PLPP1: variants seen among roughly 807,000 people sequenced by gnomAD.
PLPP1 encodes the protein lipid phosphate phosphohydrolase 1a.
A neutral mutation model predicts 31.2 loss-of-function variants in PLPP1; 24 were observed. That is an observed-to-expected ratio of 0.77 (90% CI 0.56 to 1.08). PLPP1 has a LOEUF of 1.08. Ranked by LOEUF, PLPP1 falls within the 50% of genes least tolerant of loss-of-function variation. The pLI is 0.00. For synonymous variants in PLPP1, 146 were observed against 126.3 expected (o/e 1.16, Z -1.05); for missense variants, 319 against 342.7 (o/e 0.93, Z 0.55).
intron 3 of PLPP1, among the ~76,000 whole-genome samples, chr5:55,449,673 A>T (rs574006642): frequency 8.5e-5 from 13 of 152,320 alleles, no homozygotes; most frequent in Middle Eastern, 3.4e-3. Flanking sequence ...ATATACATAT[A>T]ATTTAAAAGG....
intron 3 of PLPP1, among the ~76,000 whole-genome samples, chr5:55,465,885 G>C (rs1293633235): frequency 1.3e-5 from 2 of 151,742 alleles, no homozygotes; most frequent in Non-Finnish European, 2.9e-5. Context: ...AAGGCTCTCT[G>C]TACCTCCTAG....
At chr5:55,503,847 A>G (rs1753199892) in intron 1 of PLPP1, among the ~76,000 whole-genome samples, 1 of 66,864 alleles carries the variant, frequency 1.5e-5, no homozygotes, top group African/African-American at 6.3e-5. Context: ...AGGGGAGGGG[A>G]GAGAGGAGGG....
Position 55,468,128 on chromosome 5 carries a change from A to G in PLPP1, c.232T>C (p.Ser78Pro), listed in dbSNP as rs1338841423. Residue 78 changes from serine (S) to proline (P), a missense_variant, in exon 3 of 6, where the codon TCT (serine) becomes CCT (proline). Ser to Pro is a moderately conservative substitution (Grantham distance 74, BLOSUM62 -1). Transcript: ENST00000307259. Reference sequence around the variant, plus strand: ...GAGTGCAAAAGGTTACAGTAAACAGACAGGGTTTCTCCAAGAATAATCTGA... The same window carrying G: ...GAGTGCAAAAGGTTACAGTAAACAGGCAGGGTTTCTCCAAGAATAATCTGA... ...IIVIILGETL[S>P]VYCNLLHSNS... is the part of the protein sequence containing the mutation. 6.2e-7 allele frequency: 1 copy of G among 1,602,194 alleles called. No individual in the cohort carries two copies. The highest frequency in any genetic ancestry group is 8.5e-7 in the Non-Finnish European group (1 of 1,173,216).
intron 1 of PLPP1, among the ~76,000 whole-genome samples, chr5:55,515,121 T>C (rs1753527874): frequency 6.6e-6 from 1 of 152,258 alleles, no homozygotes; most frequent in African/African-American, 2.4e-5. Context: ...AAAGCAGTAT[T>C]ACCAGGCTCC....
At chr5:55,428,102 A>C (rs1336281638) in intron 4 of PLPP1, among the ~76,000 whole-genome samples, 1 of 152,182 alleles carries the variant, frequency 6.6e-6, no homozygotes, top group Non-Finnish European at 1.5e-5. Context: ...CAACACTTCT[A>C]AGTGAAGTCT....
At chr5:55,487,082 C>T (rs1192436839) in intron 1 of PLPP1, among the ~76,000 whole-genome samples, 1 of 152,140 alleles carries the variant, frequency 6.6e-6, no homozygotes, top group Non-Finnish European at 1.5e-5. Context: ...TTATGCCATA[C>T]AGTAATCATC....
At chr5:55,498,853 C>T (rs1753058577) in intron 1 of PLPP1, among the ~76,000 whole-genome samples, 1 of 152,202 alleles carries the variant, frequency 6.6e-6, no homozygotes, top group Admixed American at 6.5e-5. Flanking sequence ...CCCATGTTAA[C>T]TGCTCAAACA....
chr5:55,478,817 A>C (rs974605088), intron 1 of PLPP1, among the ~76,000 whole-genome samples: 2 of 152,158 alleles, frequency 1.3e-5, no homozygotes, highest in Non-Finnish European at 2.9e-5. Context: ...TCTTAGTAAA[A>C]GAGGTTTTAA....
chr5:55,518,498 T>G (rs563522888), intron 1 of PLPP1, among the ~76,000 whole-genome samples: 2 of 152,288 alleles, frequency 1.3e-5, no homozygotes, highest in South Asian at 4.2e-4. Flanking sequence ...ACTCTCATCT[T>G]TGCCTCCTCT....
intron 4 of PLPP1, among the ~76,000 whole-genome samples, chr5:55,436,320 C>T (rs1751492218): frequency 6.6e-6 from 1 of 152,134 alleles, no homozygotes; most frequent in African/African-American, 2.4e-5. Flanking sequence ...GTAACTGAAT[C>T]ATGGGGGCAG....
chr5:55,527,793 A>C (rs2111954123), intron 1 of PLPP1, among the ~76,000 whole-genome samples: 1 of 152,300 alleles, frequency 6.6e-6, no homozygotes, highest in African/African-American at 2.4e-5. Flanking sequence ...AAGATGTGTA[A>C]CTATAGATGG....
At chr5:55,534,100 A>G (rs1268028042) in intron 1 of PLPP1, among the ~76,000 whole-genome samples, 1 of 152,154 alleles carries the variant, frequency 6.6e-6, no homozygotes, top group Non-Finnish European at 1.5e-5. Flanking sequence ...ACACCTTCTA[A>G]TTAGGAACTA....
rs368103285 is a variant in PLPP1, at chr5:55,534,207, G to C, written c.58+365C>G. On this transcript the variant is annotated intron_variant, in intron 1 of 5. Coordinates refer to ENST00000307259, the MANE Select transcript of PLPP1 (RefSeq NM_003711.4). ...GAATCCCCTGTGCATCAAACCTCCA[G>C]TTTCACTACTGAGATGGGCCAGTGA... Among the ~76,000 whole-genome samples the C allele has an allele frequency of 8.5e-5, 13 of 152,284 alleles. No homozygotes were observed. The South Asian group carries it at 1.2e-3, about 15-fold the overall frequency.
Position 55,514,382 on chromosome 5 carries a change from C to A in PLPP1, c.58+20190G>T, listed in dbSNP as rs1168042172. 3.7e-5 allele frequency among the ~76,000 whole-genome samples: 4 copies of A among 107,196 alleles called. No individual in the cohort carries two copies. In the East Asian group the frequency reaches 9.5e-4, roughly 25 times the overall value. 70.3% of individuals were successfully genotyped at this position (107,196 alleles called of 152,430 possible). A position where few individuals can be genotyped will look rare whatever the true frequency, so the allele number is the denominator to read the frequency against. Reference sequence around the variant, plus strand: ...CCCTGAACAACAGAGTGAGGAAGACCTGGTCTCAAAAAAAAAAAAAAATTA... The same window carrying A: ...CCCTGAACAACAGAGTGAGGAAGACATGGTCTCAAAAAAAAAAAAAAATTA... On this transcript the variant is annotated intron_variant, in intron 1 of 5. Transcript: ENST00000307259.
intron 4 of PLPP1, among the ~76,000 whole-genome samples, chr5:55,428,853 T>G (rs230742): frequency 2.0e-5 from 3 of 152,146 alleles, no homozygotes; most frequent in African/African-American, 7.2e-5. Flanking sequence ...TTACTTCTCT[T>G]TTAAGAGTAG....
chr5:55,436,017 GAAAAAA>G (rs57953984), intron 4 of PLPP1, among the ~76,000 whole-genome samples: 192 of 114,886 alleles, frequency 1.7e-3, no homozygotes, highest in Non-Finnish European at 1.4e-3. Flanking sequence ...CTGTCTCAGA[GAAAAAA>G]AAAAAAAAAA....
At chr5:55,519,540 G>C (rs1446261559) in intron 1 of PLPP1, among the ~76,000 whole-genome samples, 2 of 152,086 alleles carry the variant, frequency 1.3e-5, no homozygotes, top group Non-Finnish European at 2.9e-5. Context: ...CCTGAGGTCA[G>C]GAGTTCAAGA....
At chr5:55,458,219 C>T (rs997819594) in intron 3 of PLPP1, among the ~76,000 whole-genome samples, 5 of 152,132 alleles carry the variant, frequency 3.3e-5, no homozygotes, top group Admixed American at 2.6e-4. Flanking sequence ...GCCTATGTTA[C>T]AAGAATGCCA....
At chr5:55,518,995 G>T (rs958242061) in intron 1 of PLPP1, among the ~76,000 whole-genome samples, 2 of 151,942 alleles carry the variant, frequency 1.3e-5, no homozygotes, top group African/African-American at 4.8e-5. Context: ...TAAATAAAGG[G>T]TTCAAACTAA....
Sources: gnomAD v4.1 joint callset for allele counts (sites outside exome capture counted in the v4.1 genomes callset) on GRCh38, gnomAD v4.1.1 for gene constraint, MANE v1.5 for transcripts, NCBI Gene and HGNC (gene_info 2026-07-23, HGNC 2026-07-21) for gene names.